The following CLVS2 variants were observed in gnomAD, a reference collection of about 807,000 sequenced individuals.
The protein encoded by CLVS2 is clavesin 2, also known as clavesin-2.
CLVS2 carries 19 observed loss-of-function variants against 29.0 expected under a neutral mutation model. The observed-to-expected ratio is 0.66, with a 90% confidence interval of 0.46 to 0.96. CLVS2 has a LOEUF of 0.96. Among genes scored for constraint, CLVS2 ranks in the 40% least tolerant of loss-of-function variants. The probability of loss-of-function intolerance (pLI) is 0.00; values close to 1 mark genes in which losing one functional copy is unlikely to be tolerated. For missense variants in CLVS2, 294 were observed against 404.1 expected (o/e 0.73, Z 2.34); for synonymous variants, 161 against 151.3 (o/e 1.06, Z -0.47).
At chr6:123,010,352 GAAAAC>G (rs752685372) in intron 2 of CLVS2, among the ~76,000 whole-genome samples, 24 of 152,026 alleles carry the variant, frequency 1.6e-4, no homozygotes, top group African/African-American at 4.6e-4. Context: ...GTGAAAAGCA[GAAAAC>G]AAAACAAAAC....
rs1303830693 is a variant in CLVS2 at position 123,070,157 on chromosome 6, A to G, written c.*6396A>G. ...AATATCCCTTACTCCTCATTCATAT[A>G]GCTAACAATTTTAATTGGATGGCTA... is the stretch of plus-strand genomic sequence containing the variant. On this transcript the variant is annotated 3_prime_UTR_variant, in exon 6 of 6. Transcript: ENST00000275162. The G allele has an allele frequency of 6.6e-6, 1 of 151,968 alleles. No individual in the cohort carries two copies. Among genetic ancestry groups the G allele is most frequent in the African/African-American group, 2.4e-5 (1 of 41,416 alleles). The allele number at this position is 151,968 out of a possible 1,614,324, so 9.4% of individuals were successfully genotyped here.
rs570976337 is a variant in CLVS2 at position 123,036,343 on chromosome 6, A to G, written c.565-12279A>G. Among the ~76,000 whole-genome samples, 12 of 152,288 alleles carry G rather than the reference A, an allele frequency of 7.9e-5. No individual in the cohort carries two copies. In the East Asian group the frequency reaches 2.3e-3, roughly 29 times the overall value. On this transcript the variant is annotated intron_variant, in intron 3 of 5. Transcript: ENST00000275162. ...GAAGAATTCTACTCAGGCCATCTGA[A>G]TTTCCTGGTGTTTTAATTAGAATCT...
At position 123,020,361 on chromosome 6, in the gene CLVS2, C is replaced by A. The variant is rs560199113; in HGVS notation, c.564+9202C>A. 5.3e-4 allele frequency among the ~76,000 whole-genome samples: 80 copies of A among 152,116 alleles called. 1 individual carries two copies. The South Asian group carries it at 0.016, about 31-fold the overall frequency. ...TCAAAAAGTTTTGAATATTGGAGCACTTCAGATTTTGAATTTTCAGATTTG... is the reference window on the plus strand; with the variant it reads ...TCAAAAAGTTTTGAATATTGGAGCAATTCAGATTTTGAATTTTCAGATTTG... On this transcript the variant is annotated intron_variant, in intron 3 of 5. Coordinates refer to ENST00000275162, the MANE Select transcript of CLVS2 (RefSeq NM_001010852.4).
chr6:123,002,336 C>CA (rs559941542), intron 2 of CLVS2, among the ~76,000 whole-genome samples: 13 of 152,182 alleles, frequency 8.5e-5, no homozygotes, highest in African/African-American at 2.9e-4. Context: ...GGAATTTGCC[C>CA]AAAAAACTTG....
intron 4 of CLVS2, among the ~76,000 whole-genome samples, chr6:123,051,006 T>C (rs1319715913): frequency 6.6e-6 from 1 of 152,150 alleles, no homozygotes; most frequent in African/African-American, 2.4e-5. Flanking sequence ...CTTGGAAATT[T>C]TCATATGAGA....
intron 2 of CLVS2, 44 bp downstream of exon 2, chr6:122,998,210 T>A (rs776748622): frequency 8.3e-6 from 13 of 1,562,172 alleles, no homozygotes; most frequent in Non-Finnish European, 9.5e-6. Flanking sequence ...TACTCTCCCA[T>A]TTTCCAGAAT....
At chr6:123,005,772 G>A (rs1774659316) in intron 2 of CLVS2, among the ~76,000 whole-genome samples, 1 of 152,176 alleles carries the variant, frequency 6.6e-6, no homozygotes, top group South Asian at 2.1e-4. Context: ...CAGTGTGGCA[G>A]GACAAGGCTC....
chr6:123,050,806 T>C (rs1772600061), intron 4 of CLVS2, among the ~76,000 whole-genome samples: 1 of 152,164 alleles, frequency 6.6e-6, no homozygotes, highest in African/African-American at 2.4e-5. Context: ...TCTGAAATGA[T>C]TTTTAACATG....
chr6:123,055,513 T>C (rs1772681661), intron 4 of CLVS2, among the ~76,000 whole-genome samples: 2 of 152,150 alleles, frequency 1.3e-5, no homozygotes, highest in African/African-American at 4.8e-5. Flanking sequence ...TCTGCCCATG[T>C]CCCTGCCTAT....
At chr6:123,030,471 T>A (rs1029365239) in intron 3 of CLVS2, among the ~76,000 whole-genome samples, 3 of 152,144 alleles carry the variant, frequency 2.0e-5, no homozygotes, top group Admixed American at 6.5e-5. Flanking sequence ...TTCAGACTCA[T>A]GTGATTGTTT....
chr6:123,020,873 A>C (rs1321496010), intron 3 of CLVS2, among the ~76,000 whole-genome samples: 1 of 151,892 alleles, frequency 6.6e-6, no homozygotes, highest in East Asian at 1.9e-4. Context: ...CCCTCTTTTT[A>C]TTAGTCCTAT....
intron 2 of CLVS2, among the ~76,000 whole-genome samples, chr6:123,006,317 A>G (rs1774667115): frequency 6.6e-6 from 1 of 152,178 alleles, no homozygotes; most frequent in Non-Finnish European, 1.5e-5. Context: ...GGTGTACAAA[A>G]CAAGAAGTAT....
chr6:123,004,406 T>A (rs1407463282), intron 2 of CLVS2, among the ~76,000 whole-genome samples: 6 of 152,212 alleles, frequency 3.9e-5, no homozygotes. Flanking sequence ...ACATCTAATC[T>A]TCTGTGCTCA....
chr6:123,059,478 G>C (rs896982286), intron 5 of CLVS2, among the ~76,000 whole-genome samples: 3 of 152,188 alleles, frequency 2.0e-5, no homozygotes, highest in East Asian at 3.8e-4. Context: ...CCAGTTGAAT[G>C]CATGGAGGAG....
At chr6:123,058,672 G>T (rs1377549838) in intron 5 of CLVS2, among the ~76,000 whole-genome samples, 1 of 151,772 alleles carries the variant, frequency 6.6e-6, no homozygotes, top group East Asian at 1.9e-4. Flanking sequence ...TTTTTTTGAG[G>T]CAGGTTCTCT....
At chr6:123,014,977 G>A (rs539809644) in intron 3 of CLVS2, among the ~76,000 whole-genome samples, 1 of 152,140 alleles carries the variant, frequency 6.6e-6, no homozygotes, top group South Asian at 2.1e-4. Context: ...AGAAGCTCTA[G>A]GCATAGCTGG....
chr6:123,049,927 C>A (rs1412540824), intron 4 of CLVS2, among the ~76,000 whole-genome samples: 1 of 152,018 alleles, frequency 6.6e-6, no homozygotes, highest in Non-Finnish European at 1.5e-5. Flanking sequence ...TGCACATGTA[C>A]CCTAAAACTT....
At position 123,011,066 on chromosome 6, in the gene CLVS2, G is replaced by T; in HGVS notation, c.471G>T (p.Gly157=). 2 of 1,611,318 alleles carry T rather than the reference G, an allele frequency of 1.2e-6. No individual in the cohort carries two copies. The highest frequency in any genetic ancestry group is 1.7e-6 in the Non-Finnish European group (2 of 1,178,504). The change falls in exon 3 of 6, where the codon GGG becomes GGT. Residue 157 remains glycine, a synonymous_variant. Coordinates refer to ENST00000275162, the MANE Select transcript of CLVS2 (RefSeq NM_001010852.4). The part of the protein sequence containing the change: ...MIEDPELQVN[G]FVLIIDWSNF... ...AAGATCCTGAGCTTCAAGTGAATGG[G>T]TTTGTTTTGATCATAGACTGGAGTA...
At position 123,063,757 on chromosome 6, in the gene CLVS2, A is replaced by G; in HGVS notation, c.980A>G (p.Asp327Gly). Residue 327 changes from aspartate (D) to glycine (G), a missense_variant, in exon 6 of 6, where the codon GAC (aspartate) becomes GGC (glycine). Around this residue, in one of 2 missense-constraint regions of CLVS2, gnomAD observed 82 missense variants for 67.8 expected, o/e 1.21. Transcript: ENST00000275162. ...AACATGCAACCATTGCTTTCTCTGG[A>G]CTAATAACTTCTCTACATCCCCTTC... is the stretch of plus-strand genomic sequence containing the variant. The part of the protein sequence containing the change: ...EENMQPLLSL[D>G] 1.3e-6 allele frequency: 2 copies of G among 1,597,404 alleles called. No homozygotes were observed. The highest frequency in any genetic ancestry group is 1.7e-6 in the Non-Finnish European group (2 of 1,165,188).
Sources: gnomAD v4.1 joint callset for allele counts (sites outside exome capture counted in the v4.1 genomes callset) on GRCh38, gnomAD v4.1.1 for gene constraint, gnomAD v4.1.1 regional missense constraint, MANE v1.5 for transcripts, NCBI Gene and HGNC (gene_info 2026-07-23, HGNC 2026-07-21) for gene names.